CCDC149: variants seen among roughly 807,000 people sequenced by gnomAD.
CCDC149 encodes coiled-coil domain-containing protein 149.
CCDC149 carries 45 observed loss-of-function variants against 59.9 expected under a neutral mutation model. The ratio of observed to expected loss-of-function variants is 0.75; its 90% confidence interval spans 0.59 to 0.96. CCDC149 has a LOEUF of 0.96. CCDC149 is among the 40% of genes least tolerant of loss of function. The pLI is 0.00. For synonymous variants in CCDC149, 245 were observed against 260.6 expected (o/e 0.94, Z 0.58); for missense variants, 584 against 664.7 (o/e 0.88, Z 1.33).
At chr4:24,839,297 A>G (rs994387245) in intron 4 of CCDC149, among the ~76,000 whole-genome samples, 5 of 151,458 alleles carry the variant, frequency 3.3e-5, no homozygotes, top group Non-Finnish European at 5.9e-5. Context: ...CTCCTGCCTC[A>G]GCCTCCCGAG....
intron 1 of CCDC149, among the ~76,000 whole-genome samples, chr4:24,977,076 C>T (rs1724232670): frequency 6.6e-6 from 1 of 152,148 alleles, no homozygotes; most frequent in African/African-American, 2.4e-5. Flanking sequence ...TGCCCGGGAT[C>T]CATTATTTCC....
At chr4:24,879,855 C>A (rs1455617400) in intron 1 of CCDC149, among the ~76,000 whole-genome samples, 1 of 152,136 alleles carries the variant, frequency 6.6e-6, no homozygotes, top group African/African-American at 2.4e-5. Context: ...GATTCTTATC[C>A]AGCCCATACT....
intron 4 of CCDC149, among the ~76,000 whole-genome samples, chr4:24,851,789 C>G (rs1717673842): frequency 6.6e-6 from 1 of 152,020 alleles, no homozygotes; most frequent in Non-Finnish European, 1.5e-5. Context: ...GAAGGTCTGT[C>G]CTTTAATTAT....
chr4:24,912,776 T>TCGGCC (rs1346616381), intron 1 of CCDC149, 41 bp downstream of exon 1: 4 of 1,209,112 alleles, frequency 3.3e-6, no homozygotes, highest in South Asian at 6.0e-5. Flanking sequence ...TGGCGGCCGC[T>TCGGCC]CGGCCCGGCC....
At chr4:24,930,470 T>C (rs1209500198) in intron 1 of CCDC149, among the ~76,000 whole-genome samples, 2 of 152,228 alleles carry the variant, frequency 1.3e-5, no homozygotes, top group Non-Finnish European at 2.9e-5. Context: ...TTAACCAGTG[T>C]AATAAATAGG....
chr4:24,878,250 C>T (rs1404913215), intron 1 of CCDC149, among the ~76,000 whole-genome samples: 1 of 143,120 alleles, frequency 7.0e-6, no homozygotes, highest in Non-Finnish European at 1.5e-5. Context: ...AAAGTAATTG[C>T]TTAGCTTCAA....
At chr4:24,879,761 C>A (rs778351804) in intron 1 of CCDC149, among the ~76,000 whole-genome samples, 3 of 152,012 alleles carry the variant, frequency 2.0e-5, no homozygotes, top group Non-Finnish European at 4.4e-5. Context: ...AAAATGCAGA[C>A]TCCTGGGCTC....
intron 1 of CCDC149, among the ~76,000 whole-genome samples, chr4:24,961,387 A>G (rs1723632460): frequency 6.6e-6 from 1 of 152,230 alleles, no homozygotes; most frequent in Non-Finnish European, 1.5e-5. Flanking sequence ...ATACTGCCCA[A>G]GGTAATTTAT....
chr4:24,949,486 T>C (rs1723216666), intron 1 of CCDC149, among the ~76,000 whole-genome samples: 1 of 152,120 alleles, frequency 6.6e-6, no homozygotes, highest in African/African-American at 2.4e-5. Flanking sequence ...TATTCAAATA[T>C]ATTGAGCTCC....
intron 1 of CCDC149, among the ~76,000 whole-genome samples, chr4:24,877,077 A>T (rs34308810): frequency 0.36 from 54,500 of 151,922 alleles, 9,869 homozygotes; most frequent in Admixed American, 0.42. Flanking sequence ...CTAACGATAA[A>T]CTCTTGGTAG....
At chr4:24,960,409 A>G (rs1435229678) in intron 1 of CCDC149, among the ~76,000 whole-genome samples, 1 of 152,222 alleles carries the variant, frequency 6.6e-6, no homozygotes, top group African/African-American at 2.4e-5. Flanking sequence ...AACAAATAGC[A>G]TATCAATAAT....
chr4:24,803,530 C>T (rs902980393), downstream of CCDC149, among the ~76,000 whole-genome samples: 18 of 151,450 alleles, frequency 1.2e-4, 1 homozygote, highest in African/African-American at 4.4e-4. This position sits in a 1 kb window ranked among gnomAD's most constrained non-coding sequence, Gnocchi z 4.3. Context: ...AGGAAAATTG[C>T]CACATGTTTA....
chr4:24,961,484 AAG>A (rs753211516), intron 1 of CCDC149, among the ~76,000 whole-genome samples: 19 of 152,198 alleles, frequency 1.2e-4, no homozygotes, highest in Non-Finnish European at 2.2e-4. Context: ...GGACCCAAAA[AAG>A]AGCCCACATT....
intron 4 of CCDC149, among the ~76,000 whole-genome samples, chr4:24,845,089 A>G (rs750348490): frequency 2.0e-5 from 3 of 152,198 alleles, no homozygotes; most frequent in Non-Finnish European, 4.4e-5. Context: ...TCTCTTCACA[A>G]CCGTGGCAAC....
chr4:24,874,205 G>A (rs1469278165), intron 2 of CCDC149, among the ~76,000 whole-genome samples: 1 of 144,098 alleles, frequency 6.9e-6, no homozygotes, highest in Non-Finnish European at 1.5e-5. Context: ...TTTGCTCAAA[G>A]TTAAGAAGAC....
chr4:24,833,623 A>G (rs950285533), intron 8 of CCDC149, among the ~76,000 whole-genome samples: 2 of 152,014 alleles, frequency 1.3e-5, no homozygotes, highest in Admixed American at 1.3e-4. Flanking sequence ...GACTGTCTCA[A>G]AAAAAAAGAT....
chr4:24,903,687 G>A (rs1282529013), intron 1 of CCDC149, among the ~76,000 whole-genome samples: 1 of 151,996 alleles, frequency 6.6e-6, no homozygotes, highest in African/African-American at 2.4e-5. Flanking sequence ...TCGAGACATA[G>A]AATACATCCA....
At chr4:24,871,778 T>C (rs73807031) in intron 3 of CCDC149, among the ~76,000 whole-genome samples, 1,565 of 152,304 alleles carry the variant, frequency 0.01, 21 homozygotes, top group African/African-American at 0.036. Context: ...AATGTTTATG[T>C]CATTGAACTT....
intron 3 of CCDC149, among the ~76,000 whole-genome samples, chr4:24,862,244 C>T (rs1345585648): frequency 6.6e-6 from 1 of 152,162 alleles, no homozygotes; most frequent in African/African-American, 2.4e-5. Context: ...AAATTGAAGT[C>T]ACATGGCAGC....
Sources: allele counts gnomAD v4.1 joint callset (sites outside exome capture counted in the v4.1 genomes callset), GRCh38; gene constraint gnomAD v4.1.1; non-coding constraint Gnocchi (gnomAD v3.1); transcripts MANE v1.5; gene names NCBI Gene and HGNC (gene_info 2026-07-23, HGNC 2026-07-21).